Variants in LIMD1 observed in about 807,000 individuals in gnomAD.
LIMD1 encodes LIM domain-containing protein 1.
LIMD1 carries 23 observed loss-of-function variants against 58.4 expected under a neutral mutation model. The observed-to-expected ratio is 0.39, with a 90% CI of 0.28 to 0.56. LIMD1 has a LOEUF of 0.56. LIMD1 is among the 20% of genes least tolerant of loss of function. The pLI is 0.57. For synonymous variants in LIMD1, 334 were observed against 345.5 expected (o/e 0.97, Z 0.37); for missense variants, 838 against 855.5 (o/e 0.98, Z 0.25).
chr3:45,650,367 G>A (rs190021699), intron 2 of LIMD1, among the ~76,000 whole-genome samples: 52 of 151,664 alleles, frequency 3.4e-4, no homozygotes, highest in African/African-American at 1.1e-3. Context: ...TTTAAGTTCT[G>A]GGGTACATGT....
At chr3:45,602,412 C>T (rs774829300) in intron 1 of LIMD1, among the ~76,000 whole-genome samples, 6 of 152,156 alleles carry the variant, frequency 3.9e-5, no homozygotes, top group African/African-American at 9.7e-5. Context: ...AAGCAGGTTC[C>T]AGGGTCTCCT....
chr3:45,615,035 T>C (rs1287184562), intron 1 of LIMD1, among the ~76,000 whole-genome samples: 1 of 152,130 alleles, frequency 6.6e-6, no homozygotes, highest in African/African-American at 2.4e-5. Context: ...CTCTTCTCTC[T>C]TGGGGTCCTG....
chr3:45,602,067 C>T lies in LIMD1; in HGVS notation c.1408+5780C>T, dbSNP rs540969803. Among the ~76,000 whole-genome samples the T allele has an allele frequency of 1.6e-3, 243 of 152,100 alleles. 6 individuals are homozygous for T. In the South Asian group the frequency reaches 0.024, roughly 15 times the overall value. The stretch of plus-strand genomic sequence containing the variant: ...AAGCCATTCTCCTGCCTCAGCCTCC[C>T]GGGTAGCTGGGACTGCAGGCGCCCG... On this transcript the variant is annotated intron_variant, in intron 1 of 7. Transcript: ENST00000273317.
chr3:45,629,800 C>T (rs1701708469), intron 1 of LIMD1, among the ~76,000 whole-genome samples: 1 of 152,136 alleles, frequency 6.6e-6, no homozygotes, highest in African/African-American at 2.4e-5. Flanking sequence ...CTGGGGCAGT[C>T]GGAGGAGAGC....
intron 2 of LIMD1, among the ~76,000 whole-genome samples, chr3:45,645,501 G>C (rs1461664884): frequency 2.0e-5 from 3 of 152,148 alleles, no homozygotes; most frequent in African/African-American, 7.2e-5. Flanking sequence ...TTTCCTCCGT[G>C]GTAGTCCCAG....
At chr3:45,644,234 G>A (rs1445457579) in intron 2 of LIMD1, among the ~76,000 whole-genome samples, 2 of 152,166 alleles carry the variant, frequency 1.3e-5, no homozygotes, top group Admixed American at 6.5e-5. Context: ...CAGTTAGTTC[G>A]CCTCTGAAGG....
rs1294574303 is a variant in LIMD1, at chr3:45,684,737, G to GT, written c.*7684dup. 3.3e-5 allele frequency: 5 copies of GT among 152,248 alleles called. No homozygotes were observed. The highest frequency in any genetic ancestry group is 1.9e-4 in the East Asian group (1 of 5,168). The allele number at this position is 152,248 out of a possible 1,614,324, so 9.4% of individuals were successfully genotyped here. A position where few individuals can be genotyped will look rare whatever the true frequency, so the allele number is the denominator to read the frequency against. ...CTTGATCTTTTATTATGCAGATAGG[G>GT]TTTTTTACTTGGCCAGAGCCTTGAC... On this transcript the variant is annotated 3_prime_UTR_variant, in exon 8 of 8. Transcript: ENST00000273317.
At chr3:45,669,944 C>T (rs1329094378) in intron 4 of LIMD1, among the ~76,000 whole-genome samples, 2 of 152,172 alleles carry the variant, frequency 1.3e-5, no homozygotes, top group Non-Finnish European at 2.9e-5. Flanking sequence ...ATTTATAAAA[C>T]ATCAGTGACC....
rs374743023 is a variant in LIMD1 at position 45,595,514 on chromosome 3, C to T, written c.635C>T (p.Pro212Leu). ...GTAGGGAGTGGGTGGCCTAGCTCCCCGGGGAGTGACCCACCACTGCCCAAA... is the reference window on the plus strand; with the variant it reads ...GTAGGGAGTGGGTGGCCTAGCTCCCTGGGGAGTGACCCACCACTGCCCAAA... ...LSVGSGWPSS[P>L]GSDPPLPKPC... is the part of the protein sequence containing the mutation. Residue 212 changes from proline to leucine, a missense_variant, in exon 1 of 8, where the codon CCG (proline) becomes CTG (leucine). Transcript: ENST00000273317. 54 of 1,613,846 alleles carry T rather than the reference C, an allele frequency of 3.3e-5. No homozygotes were observed. Among genetic ancestry groups the T allele is most frequent in the African/African-American group, 1.2e-4 (9 of 74,906 alleles).
chr3:45,610,518 G>A (rs1478915055), intron 1 of LIMD1, among the ~76,000 whole-genome samples: 1 of 152,278 alleles, frequency 6.6e-6, no homozygotes, highest in South Asian at 2.1e-4. Context: ...AAAGGCCTGC[G>A]CAGGTTTGGC....
Position 45,600,814 on chromosome 3 carries a change from A to G in LIMD1, c.1408+4527A>G, listed in dbSNP as rs549293000. On this transcript the variant is annotated intron_variant, in intron 1 of 7. Coordinates refer to ENST00000273317, the MANE Select transcript of LIMD1 (RefSeq NM_014240.3). Reference sequence around the variant, plus strand: ...TGTGGTGGCTCACACCTGTGATCCCAGCGACTCAAGAGACTGAGGCAGGAG... The same window carrying G: ...TGTGGTGGCTCACACCTGTGATCCCGGCGACTCAAGAGACTGAGGCAGGAG... Among the ~76,000 whole-genome samples, 35 of 152,302 alleles carry G rather than the reference A, an allele frequency of 2.3e-4. No homozygotes were observed. In the East Asian group the frequency reaches 6.4e-3, roughly 28 times the overall value.
chr3:45,620,561 G>A (rs953391602), intron 1 of LIMD1, among the ~76,000 whole-genome samples: 1 of 152,186 alleles, frequency 6.6e-6, no homozygotes, highest in South Asian at 2.1e-4. Context: ...TCCAAGGTGT[G>A]TGGATCACTT....
chr3:45,672,675 T>C lies in LIMD1; in HGVS notation c.1642-15T>C. The stretch of plus-strand genomic sequence containing the variant: ...CTTCCCTATAATCCCCACTGAGTCT[T>C]GGTCTCTGCTCCAGATCCTGCAAGC... On this transcript the variant is annotated splice_polypyrimidine_tract_variant and intron_variant, in intron 4 of 7. Transcript: ENST00000273317. The C allele has an allele frequency of 6.2e-7, 1 of 1,613,190 alleles. No homozygotes were observed. Among genetic ancestry groups the C allele is most frequent in the Non-Finnish European group, 8.5e-7 (1 of 1,179,666 alleles).
intron 4 of LIMD1, among the ~76,000 whole-genome samples, chr3:45,668,697 G>A (rs186926953): frequency 1.3e-5 from 2 of 151,422 alleles, no homozygotes; most frequent in Non-Finnish European, 2.9e-5. Flanking sequence ...AGTTTGCAGT[G>A]AGCCAAGATC....
In LIMD1 at chr3:45,678,874, C is replaced by T. The variant is rs1239935530; in HGVS notation, c.*1815C>T. On this transcript the variant is annotated 3_prime_UTR_variant, in exon 8 of 8. Coordinates refer to ENST00000273317, the MANE Select transcript of LIMD1 (RefSeq NM_014240.3). ...AATTCATTCTGTTGGAATCCTTTGG[C>T]CAGATGTCACTTCAGCCAGGGTGTG... is the stretch of plus-strand genomic sequence containing the variant. The T allele has an allele frequency of 1.3e-5, 2 of 152,206 alleles. No homozygotes were observed. The highest frequency in any genetic ancestry group is 4.8e-5 in the African/African-American group (2 of 41,444). 9.4% of individuals were successfully genotyped at this position (152,206 alleles called of 1,614,324 possible).
In LIMD1 at chr3:45,686,221, C is replaced by G. The variant is rs1697806743; in HGVS notation, c.*9162C>G. 1.3e-5 allele frequency: 2 copies of G among 152,028 alleles called. No homozygotes were observed. The highest frequency in any genetic ancestry group is 2.1e-4 in the South Asian group (1 of 4,802). The allele number at this position is 152,028 out of a possible 1,614,324, so 9.4% of individuals were successfully genotyped here. On this transcript the variant is annotated 3_prime_UTR_variant, in exon 8 of 8. Transcript: ENST00000273317. ...TAAAATTGTTTTAACTAGACCCCCC[C>G]CTCCCCTTTCTAAACCAAAGTATAA...
intron 2 of LIMD1, 36 bp downstream of exon 2, chr3:45,636,287 T>C: frequency 6.8e-7 from 1 of 1,474,560 alleles, no homozygotes; most frequent in Middle Eastern, 1.7e-4. Context: ...GTGTGGGGGA[T>C]GCGTAAGGAA....
chr3:45,675,896 G>C (rs775677627), intron 7 of LIMD1, among the ~76,000 whole-genome samples: 6 of 151,984 alleles, frequency 3.9e-5, no homozygotes, highest in Non-Finnish European at 8.8e-5. Context: ...CAGCTACTTA[G>C]GAAGCTAGGA....
rs1697703913 is a variant in LIMD1, at chr3:45,678,826, G to A, written c.*1767G>A. ...TAAGCAGCACAGAATTGGTGCCATG[G>A]ATTATCTTTTCCATGTTGATGGAAT... On this transcript the variant is annotated 3_prime_UTR_variant, in exon 8 of 8. Coordinates refer to ENST00000273317, the MANE Select transcript of LIMD1 (RefSeq NM_014240.3). 1 of 152,210 alleles carries A rather than the reference G, an allele frequency of 6.6e-6. No homozygotes were observed. The highest frequency in any genetic ancestry group is 6.5e-5 in the Admixed American group (1 of 15,282). The allele number at this position is 152,210 out of a possible 1,614,324, so 9.4% of individuals were successfully genotyped here.
Sources: gnomAD v4.1 joint callset for allele counts (sites outside exome capture counted in the v4.1 genomes callset) on GRCh38, gnomAD v4.1.1 for gene constraint, MANE v1.5 for transcripts, NCBI Gene and HGNC (gene_info 2026-07-23, HGNC 2026-07-21) for gene names.